NXPH2: variants seen among roughly 807,000 people sequenced by gnomAD.
NXPH2 encodes the protein neurexophilin 2.
In NXPH2, 5 loss-of-function variants were observed where a neutral mutation model predicts 19.8. That is an observed-to-expected ratio of 0.25 (90% CI 0.13 to 0.53). NXPH2 has a LOEUF of 0.53. Ranked by LOEUF, NXPH2 falls within the 20% of genes least tolerant of loss-of-function variation. The probability of loss-of-function intolerance (pLI) is 0.96; values close to 1 mark genes in which losing one functional copy is unlikely to be tolerated. For synonymous variants in NXPH2, 154 were observed against 127.4 expected (o/e 1.21, Z -1.41); for missense variants, 289 against 322.8 (o/e 0.90, Z 0.80).
intron 1 of NXPH2, among the ~76,000 whole-genome samples, chr2:138,740,140 C>T (rs1360577488): frequency 6.6e-6 from 1 of 152,142 alleles, no homozygotes; most frequent in Non-Finnish European, 1.5e-5. Flanking sequence ...GGCCACAAGG[C>T]CACCAATGAC....
At chr2:138,675,722 T>C (rs1021446305) in intron 1 of NXPH2, among the ~76,000 whole-genome samples, 2 of 152,146 alleles carry the variant, frequency 1.3e-5, no homozygotes, top group African/African-American at 4.8e-5. Context: ...TTTTATTCTT[T>C]GGAAAAGGTT....
Position 138,740,609 on chromosome 2 carries a change from T to C in NXPH2, c.51+39582A>G, listed in dbSNP as rs192796253. Among the ~76,000 whole-genome samples, 347 of 152,338 alleles carry C rather than the reference T, an allele frequency of 2.3e-3. 1 individual carries two copies. The highest frequency in any genetic ancestry group is 0.01 in the Middle Eastern group (3 of 294). On this transcript the variant is annotated intron_variant, in intron 1 of 1. Coordinates refer to ENST00000272641, the MANE Select transcript of NXPH2 (RefSeq NM_007226.3). Reference sequence around the variant, plus strand: ...TTTTTAATAAACAGAGTTATAATTATATGAAGGCAATTCTGAGGATGCCAT... The same window carrying C: ...TTTTTAATAAACAGAGTTATAATTACATGAAGGCAATTCTGAGGATGCCAT...
chr2:138,765,255 G>A (rs1682073104), intron 1 of NXPH2, among the ~76,000 whole-genome samples: 1 of 152,224 alleles, frequency 6.6e-6, no homozygotes, highest in Non-Finnish European at 1.5e-5. Context: ...AAGCCTATGT[G>A]CAGGTTCATT....
At chr2:138,687,756 T>C (rs1203764569) in intron 1 of NXPH2, among the ~76,000 whole-genome samples, 3 of 152,346 alleles carry the variant, frequency 2.0e-5, no homozygotes, top group Non-Finnish European at 2.9e-5. Context: ...TTTCTACATA[T>C]GGCTAGCCAG....
At chr2:138,763,696 C>A (rs149277302) in intron 1 of NXPH2, among the ~76,000 whole-genome samples, 1 of 152,218 alleles carries the variant, frequency 6.6e-6, no homozygotes, top group African/African-American at 2.4e-5. Flanking sequence ...CCCAAAGGAT[C>A]TTTATGACCA....
intron 1 of NXPH2, among the ~76,000 whole-genome samples, chr2:138,728,249 T>C (rs979936732): frequency 6.6e-6 from 1 of 152,194 alleles, no homozygotes; most frequent in Non-Finnish European, 1.5e-5. Context: ...AGGGAGAAGA[T>C]GGCCACTTGT....
At chr2:138,674,205 G>A (rs371450735) in intron 1 of NXPH2, among the ~76,000 whole-genome samples, 8 of 151,964 alleles carry the variant, frequency 5.3e-5, no homozygotes, top group African/African-American at 1.9e-4. Flanking sequence ...CCAGGCTGGA[G>A]TGGAGTGGTG....
At chr2:138,689,920 C>T (rs1334520784) in intron 1 of NXPH2, among the ~76,000 whole-genome samples, 1 of 152,174 alleles carries the variant, frequency 6.6e-6, no homozygotes, top group East Asian at 1.9e-4. Context: ...TGTGGTGGAA[C>T]AAATGGGCCT....
At chr2:138,772,150 TG>T (rs1682188994) in intron 1 of NXPH2, among the ~76,000 whole-genome samples, 1 of 152,020 alleles carries the variant, frequency 6.6e-6, no homozygotes, top group South Asian at 2.1e-4. Context: ...CCATCTGGAG[TG>T]GTATAGGTGA....
At chr2:138,754,408 C>G (rs142479614) in intron 1 of NXPH2, among the ~76,000 whole-genome samples, 49 of 152,258 alleles carry the variant, frequency 3.2e-4, no homozygotes, top group African/African-American at 1.1e-3. Flanking sequence ...TTTACCTTTT[C>G]CAGAATGTCA....
At chr2:138,672,014 A>G (rs1016403057) in intron 1 of NXPH2, among the ~76,000 whole-genome samples, 1 of 152,194 alleles carries the variant, frequency 6.6e-6, no homozygotes, top group African/African-American at 2.4e-5. Context: ...TTAAATTGTC[A>G]ACTCTTTTCT....
intron 1 of NXPH2, among the ~76,000 whole-genome samples, chr2:138,727,953 G>A (rs548339284): frequency 1.2e-4 from 18 of 152,260 alleles, no homozygotes; most frequent in Non-Finnish European, 2.2e-4. Context: ...GGCTGCCAGG[G>A]TACCAATCCT....
chr2:138,713,337 C>A (rs1482503252), intron 1 of NXPH2, among the ~76,000 whole-genome samples: 1 of 152,102 alleles, frequency 6.6e-6, no homozygotes, highest in Admixed American at 6.5e-5. Flanking sequence ...TGAAGAGGGA[C>A]CTTTGTACGT....
intron 1 of NXPH2, among the ~76,000 whole-genome samples, chr2:138,701,841 C>T (rs1244783132): frequency 2.6e-5 from 4 of 152,158 alleles, no homozygotes; most frequent in Non-Finnish European, 5.9e-5. Context: ...GGCTTGCATA[C>T]GAATCTCCGC....
chr2:138,697,118 G>A lies in NXPH2; in HGVS notation c.52-25453C>T, dbSNP rs1427574610. Reference sequence around the variant, plus strand: ...ATAATTCCATTTATATGAAACTCTAGAATAGGCAAAACTCATCTATAGGCA... The same window carrying A: ...ATAATTCCATTTATATGAAACTCTAAAATAGGCAAAACTCATCTATAGGCA... On this transcript the variant is annotated intron_variant, in intron 1 of 1. Coordinates refer to ENST00000272641, the MANE Select transcript of NXPH2 (RefSeq NM_007226.3). Among the ~76,000 whole-genome samples the A allele has an allele frequency of 4.6e-5, 7 of 152,160 alleles. 1 individual carries two copies. Among genetic ancestry groups the A allele is most frequent in the African/African-American group, 1.4e-4 (6 of 41,536 alleles).
chr2:138,735,383 G>C (rs1038619748), intron 1 of NXPH2, among the ~76,000 whole-genome samples: 4 of 152,176 alleles, frequency 2.6e-5, no homozygotes, highest in Admixed American at 6.5e-5. Context: ...GGAGGAGCAA[G>C]TCATATCTTA....
chr2:138,759,056 T>C (rs1681960614), intron 1 of NXPH2, among the ~76,000 whole-genome samples: 1 of 152,170 alleles, frequency 6.6e-6, no homozygotes, highest in Non-Finnish European at 1.5e-5. Flanking sequence ...TTTAACTTCT[T>C]TTGAACTTCA....
chr2:138,691,045 G>T (rs550157433), intron 1 of NXPH2, among the ~76,000 whole-genome samples: 1 of 152,308 alleles, frequency 6.6e-6, no homozygotes, highest in East Asian at 1.9e-4. Context: ...CAGTATGTGA[G>T]GAGACTTCTA....
chr2:138,731,872 G>A (rs1475304537), intron 1 of NXPH2, among the ~76,000 whole-genome samples: 1 of 151,962 alleles, frequency 6.6e-6, no homozygotes, highest in Non-Finnish European at 1.5e-5. Context: ...ATACGTTTTG[G>A]GCCCCAACAG....
Sources: allele counts gnomAD v4.1 joint callset (sites outside exome capture counted in the v4.1 genomes callset), GRCh38; gene constraint gnomAD v4.1.1; transcripts MANE v1.5; gene names NCBI Gene and HGNC (gene_info 2026-07-23, HGNC 2026-07-21).